Variants in FHIP1A observed in about 807,000 individuals in gnomAD.
FHIP1A encodes the protein FHF complex subunit HOOK-interacting protein 1A.
A neutral mutation model predicts 88.6 loss-of-function variants in FHIP1A; 61 were observed. That is an observed-to-expected ratio of 0.69 (90% CI 0.56 to 0.85). The LOEUF is 0.85. Ranked by LOEUF, FHIP1A falls within the 40% of genes least tolerant of loss-of-function variation. The pLI is 0.00. For synonymous variants in FHIP1A, 478 were observed against 496.0 expected, an observed-to-expected ratio of 0.96 and a Z score of 0.48; for missense variants, 1,154 against 1,273.5, an observed-to-expected ratio of 0.91 and a Z score of 1.43.
At chr4:151,591,773 A>T (rs1023608244) in intron 7 of FHIP1A, among the ~76,000 whole-genome samples, 3 of 152,150 alleles carry the variant, frequency 2.0e-5, no homozygotes, top group Non-Finnish European at 2.9e-5. Flanking sequence ...CTGCAAAGGA[A>T]TGAACTCATC....
rs370965052 is a variant in FHIP1A at position 151,498,811 on chromosome 4, G to A, written c.-123+16163G>A. Among the ~76,000 whole-genome samples, 16 of 152,154 alleles carry A rather than the reference G, an allele frequency of 1.1e-4. No homozygotes were observed. In the South Asian group the frequency reaches 2.1e-3, roughly 20 times the overall value. On this transcript the variant is annotated intron_variant, in intron 3 of 13. Coordinates refer to ENST00000435205, the MANE Select transcript of FHIP1A (RefSeq NM_001109977.3). The stretch of plus-strand genomic sequence containing the variant: ...AGCCTGGGCGACAGAGTGAGACTCC[G>A]TCTCAAAAAAGAAAAAAAATATATG...
chr4:151,453,868 TCAAAAACAAAAA>T (rs530753127), intron 1 of FHIP1A, among the ~76,000 whole-genome samples: 13 of 151,750 alleles, frequency 8.6e-5, no homozygotes, highest in South Asian at 2.1e-4. Flanking sequence ...AAACTCCATC[TCAAAAACAAAAA>T]CAAAAACAAA....
At chr4:151,492,772 A>G (rs536443998) in intron 3 of FHIP1A, among the ~76,000 whole-genome samples, 62 of 152,272 alleles carry the variant, frequency 4.1e-4, no homozygotes, top group African/African-American at 1.5e-3. Flanking sequence ...GACATTAACA[A>G]ATTCTTTGAA....
chr4:151,430,115 T>A (rs1733539669), intron 1 of FHIP1A, among the ~76,000 whole-genome samples: 1 of 152,208 alleles, frequency 6.6e-6, no homozygotes, highest in South Asian at 2.1e-4. Context: ...GCTGTTTCTG[T>A]TAAAATCTTT....
intron 2 of FHIP1A, among the ~76,000 whole-genome samples, chr4:151,476,294 A>T (rs1729701048): frequency 6.7e-6 from 1 of 150,078 alleles, no homozygotes; most frequent in Admixed American, 6.7e-5. Flanking sequence ...GGTGTGCACC[A>T]CCATGCCTGG....
chr4:151,433,926 A>G (rs995261075), intron 1 of FHIP1A, among the ~76,000 whole-genome samples: 11 of 152,110 alleles, frequency 7.2e-5, no homozygotes, highest in African/African-American at 2.4e-4. Flanking sequence ...CTTTTTTGCT[A>G]TAGGGATGCT....
chr4:151,504,986 G>A (rs1730781537), intron 3 of FHIP1A, among the ~76,000 whole-genome samples: 2 of 152,044 alleles, frequency 1.3e-5, no homozygotes, highest in African/African-American at 4.8e-5. Flanking sequence ...AAATTCATTT[G>A]CTCTTGCCCA....
intron 2 of FHIP1A, among the ~76,000 whole-genome samples, chr4:151,455,422 C>T (rs916453437): frequency 1.3e-5 from 2 of 152,180 alleles, no homozygotes; most frequent in African/African-American, 4.8e-5. Context: ...CAGGGATCAG[C>T]TACTCCTGCC....
chr4:151,538,541 A>G (rs1732153032), intron 3 of FHIP1A, among the ~76,000 whole-genome samples: 1 of 152,210 alleles, frequency 6.6e-6, no homozygotes, highest in Non-Finnish European at 1.5e-5. Flanking sequence ...TAGGAATGCT[A>G]AAGTTTTTGA....
intron 1 of FHIP1A, among the ~76,000 whole-genome samples, chr4:151,437,403 T>C (rs767118937): frequency 3.3e-5 from 5 of 152,142 alleles, no homozygotes; most frequent in Non-Finnish European, 5.9e-5. Context: ...CTGTATCATA[T>C]CTAAATATAT....
intron 1 of FHIP1A, among the ~76,000 whole-genome samples, chr4:151,425,568 CAT>C (rs1266825767): frequency 6.6e-6 from 1 of 152,102 alleles, no homozygotes; most frequent in Non-Finnish European, 1.5e-5. Flanking sequence ...TAAAGATTCA[CAT>C]AGACTTTTTT....
intron 3 of FHIP1A, among the ~76,000 whole-genome samples, chr4:151,526,376 C>G (rs1364149629): frequency 6.6e-6 from 1 of 150,982 alleles, no homozygotes. Flanking sequence ...GGCGGCTGGC[C>G]GGGCGGGGGG....
At chr4:151,441,137 T>C (rs1331779827) in intron 1 of FHIP1A, among the ~76,000 whole-genome samples, 1 of 152,138 alleles carries the variant, frequency 6.6e-6, no homozygotes, top group Non-Finnish European at 1.5e-5. Context: ...TCCTCACTTA[T>C]GATAACCTTT....
chr4:151,616,059 T>C (rs1003121622), intron 7 of FHIP1A, among the ~76,000 whole-genome samples: 23 of 152,162 alleles, frequency 1.5e-4, no homozygotes, highest in African/African-American at 5.6e-4. Context: ...TCATTTGCCA[T>C]CAGTTGGCAG....
At chr4:151,494,932 T>G (rs1429362369) in intron 3 of FHIP1A, among the ~76,000 whole-genome samples, 2 of 152,202 alleles carry the variant, frequency 1.3e-5, no homozygotes, top group Non-Finnish European at 2.9e-5. Flanking sequence ...TATTTTTCTT[T>G]TTGTGGCTAT....
In FHIP1A at chr4:151,484,691, G is replaced by A. The variant is rs149279912; in HGVS notation, c.-123+2043G>A. ...TGATAGTCCTCAGGAGAGGCTGTCAGTAGAATTCATCTGTTATGAAATTTG... is the reference window on the plus strand; with the variant it reads ...TGATAGTCCTCAGGAGAGGCTGTCAATAGAATTCATCTGTTATGAAATTTG... On this transcript the variant is annotated intron_variant, in intron 3 of 13. Coordinates refer to ENST00000435205, the MANE Select transcript of FHIP1A (RefSeq NM_001109977.3). 7.9e-5 allele frequency among the ~76,000 whole-genome samples: 12 copies of A among 152,362 alleles called. No individual in the cohort carries two copies. In the East Asian group the frequency reaches 2.3e-3, roughly 29 times the overall value.
intron 3 of FHIP1A, among the ~76,000 whole-genome samples, chr4:151,498,892 T>C (rs181464578): frequency 6.6e-6 from 1 of 152,328 alleles, no homozygotes; most frequent in Non-Finnish European, 1.5e-5. Context: ...CCTTCCTCCT[T>C]ATTGTTTTTC....
At chr4:151,421,504 G>A (rs1733164046) in intron 1 of FHIP1A, among the ~76,000 whole-genome samples, 1 of 152,072 alleles carries the variant, frequency 6.6e-6, no homozygotes. Flanking sequence ...TCCCTGGTTG[G>A]TTAGTGTCTT....
At chr4:151,456,217 C>G (rs527444117) in intron 2 of FHIP1A, among the ~76,000 whole-genome samples, 1 of 152,076 alleles carries the variant, frequency 6.6e-6, no homozygotes, top group Admixed American at 6.6e-5. Context: ...CTGTCATTCC[C>G]GAAAGTCTAT....
Sources: allele counts gnomAD v4.1 joint callset (sites outside exome capture counted in the v4.1 genomes callset), GRCh38; gene constraint gnomAD v4.1.1; transcripts MANE v1.5; gene names NCBI Gene and HGNC (gene_info 2026-07-23, HGNC 2026-07-21).